The following CSRNP2 variants were observed in gnomAD, a reference collection of about 807,000 sequenced individuals.
CSRNP2 encodes the protein cysteine/serine-rich nuclear protein 2.
In CSRNP2, 11 loss-of-function variants were observed where a neutral mutation model predicts 36.6. That is an observed-to-expected ratio of 0.30 (90% CI 0.19 to 0.50). The LOEUF (loss-of-function observed/expected upper bound fraction) is 0.50, where lower values mean the gene tolerates loss of function less well. CSRNP2 is among the 20% of genes least tolerant of loss of function. The pLI is 0.98. For missense variants in CSRNP2, 483 were observed against 691.4 expected (o/e 0.70, Z 3.38); for synonymous variants, 248 against 275.3 (o/e 0.90, Z 0.98).
chr12:51,078,514 G>A (rs1939488827), intron 1 of CSRNP2, among the ~76,000 whole-genome samples: 1 of 152,172 alleles, frequency 6.6e-6, no homozygotes, highest in African/African-American at 2.4e-5. Context: ...TTAGGGCATG[G>A]TAAGAAAGGA....
intron 4 of CSRNP2, among the ~76,000 whole-genome samples, chr12:51,066,577 G>A (rs1396953391): frequency 1.3e-5 from 2 of 151,384 alleles, no homozygotes; most frequent in Non-Finnish European, 2.9e-5. Flanking sequence ...GGAGGTGGAG[G>A]TAGCAGTGAG....
Position 51,067,564 on chromosome 12 carries a change from CAACCATAGGGA to C in CSRNP2, c.708+98_708+108del. On this transcript the variant is annotated intron_variant, in intron 4 of 4. Transcript: ENST00000228515. This position sits in a 1 kb window ranked among gnomAD's most constrained non-coding sequence, Gnocchi z 4.1. ...GGGTTGTGGAACTGGAGAGTGTTCA[CAACCATAGGGA>C]ATCCACCCCTGAATGGGCCTCCCAT... is the stretch of plus-strand genomic sequence containing the variant. 6.5e-6 allele frequency: 7 copies of C among 1,079,708 alleles called. No individual in the cohort carries two copies. The highest frequency in any genetic ancestry group is 9.5e-6 in the Non-Finnish European group (7 of 736,010). The allele number at this position is 1,079,708 out of a possible 1,614,324, so 66.9% of individuals were successfully genotyped here.
chr12:51,076,725 A>G, intron 1 of CSRNP2, 78 bp from the exon 2 acceptor site: 1 of 675,874 alleles, frequency 1.5e-6, no homozygotes, highest in Admixed American at 2.8e-5. Context: ...AGCTCTCTAA[A>G]GAAAGCACCT....
chr12:51,069,928 C>T (rs1162482891), intron 3 of CSRNP2, among the ~76,000 whole-genome samples: 1 of 151,798 alleles, frequency 6.6e-6, no homozygotes, highest in Non-Finnish European at 1.5e-5. Context: ...TCTTGATCTC[C>T]TGTCCTCATG....
Position 51,064,055 on chromosome 12 carries a change from G to A in CSRNP2, c.1323C>T (p.Ala441=). ...TCAGATCCTTCTCCTTTGGGAAAGA[G>A]GCTGAGCCTTCTTCCGTACCAGGCT... The part of the protein sequence containing the change: ...KGEPGTEEGS[A]SFPKEKDLNV... Residue 441 remains alanine, a synonymous_variant, in exon 5 of 5, where the codon GCC becomes GCT. Transcript: ENST00000228515. 1.2e-6 allele frequency: 2 copies of A among 1,614,248 alleles called. No individual in the cohort carries two copies. Among genetic ancestry groups the A allele is most frequent in the Non-Finnish European group, 8.5e-7 (1 of 1,180,046 alleles).
At chr12:51,065,681 A>G (rs1022294613) in intron 4 of CSRNP2, among the ~76,000 whole-genome samples, 1 of 152,040 alleles carries the variant, frequency 6.6e-6, no homozygotes, top group Non-Finnish European at 1.5e-5. Flanking sequence ...GCTGGCCTCA[A>G]ACTCCTGGGC....
rs1157426979 is a variant in CSRNP2, at chr12:51,067,205, A to G, written c.708+468T>C. 6.6e-6 allele frequency among the ~76,000 whole-genome samples: 1 copy of G among 152,176 alleles called. No individual in the cohort carries two copies. The highest frequency in any genetic ancestry group is 1.5e-5 in the Non-Finnish European group (1 of 68,026). On this transcript the variant is annotated intron_variant, in intron 4 of 4. Transcript: ENST00000228515. The surrounding 1 kb of genome is among the most constrained non-coding windows in gnomAD (Gnocchi z 4.1). The stretch of plus-strand genomic sequence containing the variant: ...AAATACTGTTTAGGAATCAGTATTT[A>G]GGAAACATTTACTAAATGTTAAATG...
Position 51,063,971 on chromosome 12 carries a change from G to C in CSRNP2, c.1407C>G (p.Ala469=). The C allele has an allele frequency of 1.9e-6, 3 of 1,613,628 alleles. No homozygotes were observed. Among genetic ancestry groups the C allele is most frequent in the Non-Finnish European group, 1.7e-6 (2 of 1,179,558 alleles). Residue 469 remains alanine (A), a synonymous_variant, in exon 5 of 5, where the codon GCC becomes GCG. Coordinates refer to ENST00000228515, the MANE Select transcript of CSRNP2 (RefSeq NM_030809.3). ...LVACSSTDPA[A]LCKSEVGKTP... ...TTTTCCCCACCTCTGATTTACAGAG[G>C]GCAGCTGGGTCTGTGGAGCTACAAG...
chr12:51,063,919 C>G lies in CSRNP2; in HGVS notation c.1459G>C (p.Glu487Gln). The change falls in exon 5 of 5, where the codon GAA (glutamate) becomes CAA (glutamine). Residue 487 changes from glutamate (E) to glutamine (Q), a missense_variant. Around this residue, in one of 2 missense-constraint regions of CSRNP2, gnomAD observed 277 missense variants for 323.6 expected, o/e 0.86. Coordinates refer to ENST00000228515, the MANE Select transcript of CSRNP2 (RefSeq NM_030809.3). ...TCAGGCTCCTCAGGGTTACAATCTT[C>G]GGGCAATAGAGCTTCTAGGGTGGGT... ...KTPTLEALLPEDCNPEEPENE... is the reference protein window; with the variant it reads ...KTPTLEALLPQDCNPEEPENE... 1.2e-6 allele frequency: 2 copies of G among 1,613,886 alleles called. No individual in the cohort carries two copies. Among genetic ancestry groups the G allele is most frequent in the South Asian group, 2.2e-5 (2 of 91,048 alleles).
intron 4 of CSRNP2, among the ~76,000 whole-genome samples, chr12:51,065,029 A>C (rs1938000003): frequency 6.6e-6 from 1 of 152,208 alleles, no homozygotes; most frequent in Admixed American, 6.5e-5. Context: ...TTCACAGAGG[A>C]AATTTACGAG....
At chr12:51,071,585 T>G (rs1022189844) in intron 3 of CSRNP2, among the ~76,000 whole-genome samples, 2 of 152,036 alleles carry the variant, frequency 1.3e-5, no homozygotes, top group African/African-American at 4.8e-5. Flanking sequence ...GGCAACAAAA[T>G]GAGACCCCAT....
intron 2 of CSRNP2, among the ~76,000 whole-genome samples, 156 bp from the exon 3 acceptor site, chr12:51,074,238 C>A (rs1939301014): frequency 6.6e-6 from 1 of 152,200 alleles, no homozygotes; most frequent in Non-Finnish European, 1.5e-5. Flanking sequence ...CTGCCTCAGC[C>A]TCCTGAGAAG....
intron 2 of CSRNP2, among the ~76,000 whole-genome samples, chr12:51,075,185 C>T (rs1009884353): frequency 1.3e-5 from 2 of 152,136 alleles, no homozygotes; most frequent in Non-Finnish European, 2.9e-5. Flanking sequence ...AATCACGGCT[C>T]ACTGCAGCCC....
intron 2 of CSRNP2, among the ~76,000 whole-genome samples, chr12:51,075,654 A>T (rs1939366358): frequency 6.6e-6 from 1 of 152,218 alleles, no homozygotes. Context: ...CAATGGGTAT[A>T]ACTGTGTTCC....
At position 51,067,538 on chromosome 12, in the gene CSRNP2, A is replaced by G; in HGVS notation, c.708+135T>C. The G allele has an allele frequency of 1.3e-6, 1 of 773,928 alleles. No homozygotes were observed. The highest frequency in any genetic ancestry group is 2.1e-6 in the Non-Finnish European group (1 of 479,662). 47.9% of individuals were successfully genotyped at this position (773,928 alleles called of 1,614,324 possible). A position where few individuals can be genotyped will look rare whatever the true frequency, so the allele number is the denominator to read the frequency against. ...TGTTTGCTTACTCTGTTGACGGAGG[A>G]GGGTTGTGGAACTGGAGAGTGTTCA... On this transcript the variant is annotated intron_variant, in intron 4 of 4. Coordinates refer to ENST00000228515, the MANE Select transcript of CSRNP2 (RefSeq NM_030809.3). This position sits in a 1 kb window ranked among gnomAD's most constrained non-coding sequence, Gnocchi z 4.1.
intron 1 of CSRNP2, 36 bp from the exon 2 acceptor site, chr12:51,076,683 C>A: frequency 9.6e-7 from 1 of 1,043,494 alleles, no homozygotes; most frequent in South Asian, 1.4e-5. Flanking sequence ...CATTCCTGTC[C>A]CCAGACAGAC....
At chr12:51,081,201 T>C (rs547664953) in intron 1 of CSRNP2, among the ~76,000 whole-genome samples, 3 of 152,212 alleles carry the variant, frequency 2.0e-5, no homozygotes, top group African/African-American at 7.2e-5. Context: ...GGCGGGAGGA[T>C]TGCTTGAACC....
Position 51,074,537 on chromosome 12 carries a change from C to G in CSRNP2, c.152-455G>C, listed in dbSNP as rs193123033. Among the ~76,000 whole-genome samples, 148 of 152,264 alleles carry G rather than the reference C, an allele frequency of 9.7e-4. 1 individual carries two copies. Among genetic ancestry groups the G allele is most frequent in the Admixed American group, 5.6e-3 (86 of 15,290 alleles). ...CTATATCTAGAGAACTGTCTAATATCTTCAAATCCTAAATGCTCTGTCAGA... is the reference window on the plus strand; with the variant it reads ...CTATATCTAGAGAACTGTCTAATATGTTCAAATCCTAAATGCTCTGTCAGA... On this transcript the variant is annotated intron_variant, in intron 2 of 4. Coordinates refer to ENST00000228515, the MANE Select transcript of CSRNP2 (RefSeq NM_030809.3).
chr12:51,075,363 C>G (rs1939350932), intron 2 of CSRNP2, among the ~76,000 whole-genome samples: 1 of 152,144 alleles, frequency 6.6e-6, no homozygotes, highest in Non-Finnish European at 1.5e-5. Context: ...CCACCCATAT[C>G]AGCCTCCCAA....
Sources: gnomAD v4.1 joint callset for allele counts (sites outside exome capture counted in the v4.1 genomes callset) on GRCh38, gnomAD v4.1.1 for gene constraint, gnomAD v4.1.1 regional missense constraint, Gnocchi (gnomAD v3.1) non-coding constraint, MANE v1.5 for transcripts, NCBI Gene and HGNC (gene_info 2026-07-23, HGNC 2026-07-21) for gene names.